The following PCDH7 variants were observed in gnomAD, a reference collection of about 807,000 sequenced individuals.
The protein encoded by PCDH7 is protocadherin-7.
PCDH7 carries 17 observed loss-of-function variants against 58.9 expected under a neutral mutation model. The observed-to-expected ratio is 0.29, with a 90% confidence interval of 0.20 to 0.43. The LOEUF (loss-of-function observed/expected upper bound fraction) is 0.43. Ranked by LOEUF, PCDH7 falls within the 20% of genes least tolerant of loss-of-function variation. The probability of loss-of-function intolerance (pLI) is 1.00; values close to 1 mark genes in which losing one functional copy is unlikely to be tolerated. For missense variants in PCDH7, 1,274 were observed against 1,441.0 expected (o/e 0.88, Z 1.88); for synonymous variants, 664 against 616.4 (o/e 1.08, Z -1.14).
At chr4:30,736,903 T>C (rs1467921640), downstream of PCDH7, among the ~76,000 whole-genome samples, 6 of 152,200 alleles carry the variant, frequency 3.9e-5, no homozygotes. Flanking sequence ...GGAAGTCTGT[T>C]CTATCGCCTA....
chr4:30,976,470 G>A (rs549810338), intron 3 of PCDH7, among the ~76,000 whole-genome samples: 1 of 134,956 alleles, frequency 7.4e-6, no homozygotes, highest in South Asian at 2.3e-4. Flanking sequence ...GCTTGATCTT[G>A]GCTCACTGAA....
At chr4:31,095,480 T>C (rs1218355441) in intron 3 of PCDH7, among the ~76,000 whole-genome samples, 1 of 152,202 alleles carries the variant, frequency 6.6e-6, no homozygotes, top group African/African-American at 2.4e-5. Context: ...TCTGTACTTG[T>C]TCTATCTTTC....
At chr4:31,022,060 A>G (rs1481524172) in intron 3 of PCDH7, among the ~76,000 whole-genome samples, 1 of 152,218 alleles carries the variant, frequency 6.6e-6, no homozygotes, top group Admixed American at 6.5e-5. Flanking sequence ...TGTGAAATAA[A>G]GAACACTTCC....
chr4:30,925,423 C>G (rs1238559851), intron 2 of PCDH7, among the ~76,000 whole-genome samples: 1 of 152,180 alleles, frequency 6.6e-6, no homozygotes, highest in Admixed American at 6.5e-5. Flanking sequence ...ATTGAGCAAA[C>G]TTCTCTAGCA....
Position 30,756,820 on chromosome 4 carries a change from C to T in PCDH7, c.70+32224C>T, listed in dbSNP as rs1188172460. ...CCATAAAATGGAGTCTTCCTTTGTA[C>T]GTATTTATTTCTTCATCTCCCTTTT... On this transcript the variant is annotated intron_variant, in intron 1 of 3. Coordinates refer to the PCDH7 transcript ENST00000509759. 7.9e-5 allele frequency among the ~76,000 whole-genome samples: 12 copies of T among 152,304 alleles called. No individual in the cohort carries two copies. In the East Asian group the frequency reaches 9.7e-4, roughly 12 times the overall value.
chr4:30,979,559 C>T (rs535582236), intron 3 of PCDH7, among the ~76,000 whole-genome samples: 49 of 151,930 alleles, frequency 3.2e-4, no homozygotes, highest in Non-Finnish European at 5.4e-4. Context: ...AACGTATTTT[C>T]TTCCATGTCA....
intron 1 of PCDH7, among the ~76,000 whole-genome samples, chr4:30,894,708 G>T (rs935937688): frequency 2.7e-5 from 4 of 149,412 alleles, no homozygotes; most frequent in African/African-American, 9.9e-5. Flanking sequence ...AGAAAATTCA[G>T]ATGTTTTTAT....
At chr4:30,885,183 C>G (rs1737540715) in intron 1 of PCDH7, 2 of 152,004 alleles carry the variant, frequency 1.3e-5, no homozygotes, top group South Asian at 4.1e-4. Context: ...ATGGGAGCAC[C>G]CTTGCTTTCC....
chr4:31,057,091 A>G (rs1200550485), intron 3 of PCDH7, among the ~76,000 whole-genome samples: 4 of 152,182 alleles, frequency 2.6e-5, no homozygotes, highest in African/African-American at 9.7e-5. Flanking sequence ...ATATTCATAA[A>G]TGTACTTTAT....
At chr4:30,949,792 GT>G (rs1021880232) in intron 2 of PCDH7, among the ~76,000 whole-genome samples, 2 of 151,964 alleles carry the variant, frequency 1.3e-5, no homozygotes, top group Non-Finnish European at 2.9e-5. Context: ...TCATCTTATA[GT>G]TTTTTTCTGT....
chr4:31,108,523 G>T (rs1265071971), intron 3 of PCDH7, among the ~76,000 whole-genome samples: 1 of 151,866 alleles, frequency 6.6e-6, no homozygotes, highest in Non-Finnish European at 1.5e-5. Context: ...GTGCCACATG[G>T]TTTTCTACTA....
At chr4:30,906,104 C>T (rs370497281) in intron 1 of PCDH7, among the ~76,000 whole-genome samples, 1 of 152,136 alleles carries the variant, frequency 6.6e-6, no homozygotes, top group Admixed American at 6.6e-5. Flanking sequence ...GATTAGTATG[C>T]ATATTTTGTG....
chr4:30,910,289 C>A (rs192845932), intron 1 of PCDH7, among the ~76,000 whole-genome samples: 144 of 152,186 alleles, frequency 9.5e-4, no homozygotes, highest in South Asian at 1.7e-3. Context: ...GACTAAAACA[C>A]CAAAAGCAAT....
At chr4:31,022,340 T>C (rs1754095919) in intron 3 of PCDH7, among the ~76,000 whole-genome samples, 1 of 152,208 alleles carries the variant, frequency 6.6e-6, no homozygotes, top group Admixed American at 6.5e-5. Context: ...GTAGAGTAAG[T>C]AATGACTTTA....
intron 3 of PCDH7, among the ~76,000 whole-genome samples, chr4:30,955,151 C>T (rs1250467353): frequency 6.6e-6 from 1 of 151,792 alleles, no homozygotes; most frequent in Non-Finnish European, 1.5e-5. Flanking sequence ...ACAGATGATT[C>T]TTGTGCTTAA....
chr4:31,084,289 AG>A (rs1712022136), intron 3 of PCDH7, among the ~76,000 whole-genome samples: 2 of 152,324 alleles, frequency 1.3e-5, no homozygotes, highest in African/African-American at 4.8e-5. Context: ...AAATATGTAA[AG>A]GTTGGAAAAT....
chr4:30,969,036 G>A (rs923431470), intron 3 of PCDH7, among the ~76,000 whole-genome samples: 2 of 151,952 alleles, frequency 1.3e-5, no homozygotes, highest in Admixed American at 6.6e-5. Flanking sequence ...ACGTACTCTC[G>A]GTCAGAGAAT....
At chr4:31,029,708 G>A (rs1045650354) in intron 3 of PCDH7, among the ~76,000 whole-genome samples, 1 of 152,188 alleles carries the variant, frequency 6.6e-6, no homozygotes, top group South Asian at 2.1e-4. Flanking sequence ...TAAGTGAGTA[G>A]AATACCAGAT....
At chr4:30,748,119 T>C (rs1480923110) in intron 1 of PCDH7, among the ~76,000 whole-genome samples, 1 of 152,162 alleles carries the variant, frequency 6.6e-6, no homozygotes, top group African/African-American at 2.4e-5. Context: ...GTTTCACACT[T>C]TAATAGGAGC....
Sources: allele counts gnomAD v4.1 joint callset (sites outside exome capture counted in the v4.1 genomes callset), GRCh38; gene constraint gnomAD v4.1.1; transcripts MANE v1.5; gene names NCBI Gene and HGNC (gene_info 2026-07-23, HGNC 2026-07-21).